ECE1: variants seen among roughly 807,000 people sequenced by gnomAD.
ECE1 encodes endothelin converting enzyme 1, also known as endothelin-converting enzyme 1.
ECE1 carries 35 observed loss-of-function variants against 98.6 expected under a neutral mutation model. The ratio of observed to expected loss-of-function variants is 0.35; its 90% CI spans 0.27 to 0.47. The LOEUF is 0.47. Ranked by LOEUF, ECE1 falls within the 20% of genes least tolerant of loss-of-function variation. The probability of loss-of-function intolerance (pLI) is 1.00; values close to 1 mark genes in which losing one functional copy is unlikely to be tolerated. For synonymous variants in ECE1, 394 were observed against 407.1 expected, an observed-to-expected ratio of 0.97 and a Z score of 0.39; for missense variants, 814 against 1,025.3, an observed-to-expected ratio of 0.79 and a Z score of 2.81.
intron 2 of ECE1, among the ~76,000 whole-genome samples, chr1:21,284,404 G>A (rs894136496): frequency 6.6e-6 from 1 of 152,200 alleles, no homozygotes; most frequent in African/African-American, 2.4e-5. Context: ...TGCTCAGCTC[G>A]CTGGTGGGCT....
At chr1:21,330,494 G>A (rs530484600) in intron 1 of ECE1, among the ~76,000 whole-genome samples, 3 of 152,150 alleles carry the variant, frequency 2.0e-5, no homozygotes, top group South Asian at 2.1e-4. Context: ...GCCTCCCAAA[G>A]TTCTGGGATT....
At chr1:21,321,361 T>C (rs944686298) in intron 1 of ECE1, among the ~76,000 whole-genome samples, 1 of 152,172 alleles carries the variant, frequency 6.6e-6, no homozygotes, top group African/African-American at 2.4e-5. Flanking sequence ...GAAATCTCTG[T>C]GTGAATAACA....
chr1:21,242,460 C>T (rs1451983109), intron 10 of ECE1, among the ~76,000 whole-genome samples: 1 of 152,190 alleles, frequency 6.6e-6, no homozygotes, highest in Non-Finnish European at 1.5e-5. Flanking sequence ...GGTGTAAGGA[C>T]TACCCAAGGT....
intron 2 of ECE1, 33 bp from the exon 3 acceptor site, chr1:21,279,365 A>ACGTGAGC (rs2098251664): frequency 3.7e-6 from 6 of 1,613,822 alleles, no homozygotes; most frequent in African/African-American, 2.7e-5. Flanking sequence ...GGCGGGGAAG[A>ACGTGAGC]CGTGAGCCCC....
chr1:21,344,446 A>T (rs1031124815), intron 1 of ECE1, among the ~76,000 whole-genome samples: 1 of 152,200 alleles, frequency 6.6e-6, no homozygotes, highest in African/African-American at 2.4e-5. Flanking sequence ...TGGCTCGTCT[A>T]TAGGGAAAGA....
In ECE1 at chr1:21,260,272, C is replaced by A; in HGVS notation, c.614G>T (p.Arg205Met). Residue 205 changes from arginine to methionine, a missense_variant and splice_region_variant, in exon 5 of 19, where the codon AGG (arginine) becomes ATG (methionine). This residue lies in a region of ECE1 where 257 missense variants were observed against 278.9 expected (regional missense o/e 0.92). Transcript: ENST00000374893. The surrounding 1 kb of genome is among the most constrained non-coding windows in gnomAD (Gnocchi z 4.3). ...RAKPLMELIERLGGWNITGPW... is the reference protein window; with the variant it reads ...RAKPLMELIEMLGGWNITGPW... ...GGAGGGAGAGCCCGAGGCACTCACC[C>A]TCTCAATCAACTCCATTAGAGGTTT... The A allele has an allele frequency of 6.2e-6, 10 of 1,614,258 alleles. No homozygotes were observed. Among genetic ancestry groups the A allele is most frequent in the Non-Finnish European group, 8.5e-6 (10 of 1,180,048 alleles).
At chr1:21,314,756 T>G (rs1004638207) in intron 1 of ECE1, among the ~76,000 whole-genome samples, 16 of 152,406 alleles carry the variant, frequency 1.0e-4, no homozygotes, top group Non-Finnish European at 1.9e-4. Context: ...ACCTGGCCTG[T>G]GCCATTTCCA....
In ECE1 at chr1:21,290,139, C is replaced by A; in HGVS notation, c.69G>T (p.Arg23=). Residue 23 remains arginine, a synonymous_variant, in exon 2 of 19, where the codon CGG becomes CGT. Coordinates refer to ENST00000374893, the MANE Select transcript of ECE1 (RefSeq NM_001397.3). The surrounding 1 kb of genome is among the most constrained non-coding windows in gnomAD (Gnocchi z 7.3). The part of the protein sequence containing the change: ...LSALGMSTYK[R]ATLDEEDLVD... Reference sequence around the variant, plus strand: ...CCAGGTCCTCCTCGTCCAGCGTGGCCCGCTTGTACGTCGACATCTGCAAGG... The same window carrying A: ...CCAGGTCCTCCTCGTCCAGCGTGGCACGCTTGTACGTCGACATCTGCAAGG... 6.4e-7 allele frequency: 1 copy of A among 1,565,220 alleles called. No homozygotes were observed.
intron 10 of ECE1, chr1:21,238,481 C>T: frequency 1.7e-6 from 1 of 581,532 alleles, no homozygotes; most frequent in Non-Finnish European, 3.1e-6. Flanking sequence ...AAATAGTGTC[C>T]CGTTGAGCCA....
intron 1 of ECE1, among the ~76,000 whole-genome samples, chr1:21,339,150 G>A (rs935186336): frequency 3.3e-5 from 5 of 152,192 alleles, no homozygotes; most frequent in African/African-American, 1.2e-4. Flanking sequence ...GGACTGGGCT[G>A]GGAGTCACAA....
At chr1:21,246,175 T>A (rs1404878477) in intron 9 of ECE1, among the ~76,000 whole-genome samples, 1 of 152,138 alleles carries the variant, frequency 6.6e-6, no homozygotes, top group African/African-American at 2.4e-5. Flanking sequence ...TTTTCCCTAT[T>A]TTTTTGGTAG....
chr1:21,276,865 C>T (rs773450458), intron 3 of ECE1, among the ~76,000 whole-genome samples: 9 of 151,950 alleles, frequency 5.9e-5, no homozygotes, highest in Non-Finnish European at 1.2e-4. Flanking sequence ...TACAGTTGTG[C>T]GCCACCATCC....
chr1:21,280,813 G>A (rs562669308), intron 2 of ECE1, among the ~76,000 whole-genome samples: 2 of 152,216 alleles, frequency 1.3e-5, no homozygotes, highest in African/African-American at 2.4e-5. Context: ...TATTTACTGG[G>A]CAGGAAATGA....
At chr1:21,304,248 G>A (rs1328873822) in intron 1 of ECE1, among the ~76,000 whole-genome samples, 3 of 149,332 alleles carry the variant, frequency 2.0e-5, no homozygotes, top group Admixed American at 2.0e-4. Flanking sequence ...CCCGGGAGGC[G>A]GAGCTTGCAG....
chr1:21,273,943 G>A (rs1294962112), intron 3 of ECE1, among the ~76,000 whole-genome samples: 3 of 152,232 alleles, frequency 2.0e-5, no homozygotes, highest in Non-Finnish European at 1.5e-5. Flanking sequence ...GGTGGCCTAC[G>A]CAGAGGCCTG....
At chr1:21,318,051 C>T (rs1417079336) in intron 1 of ECE1, among the ~76,000 whole-genome samples, 1 of 152,242 alleles carries the variant, frequency 6.6e-6, no homozygotes, top group African/African-American at 2.4e-5. Flanking sequence ...ACGGCATGGA[C>T]GAGGTCCCCT....
At chr1:21,250,958 G>A (rs1016962852) in intron 8 of ECE1, among the ~76,000 whole-genome samples, 1 of 147,844 alleles carries the variant, frequency 6.8e-6, no homozygotes, top group Admixed American at 6.8e-5. Flanking sequence ...AGTGAGCGGG[G>A]ATCGCGCCAC....
chr1:21,344,173 TG>T (rs907020469), intron 1 of ECE1, among the ~76,000 whole-genome samples: 8 of 143,834 alleles, frequency 5.6e-5, no homozygotes, highest in African/African-American at 1.5e-4. Context: ...AAGGGAGAGA[TG>T]GGGGGGCGGG....
intron 1 of ECE1, among the ~76,000 whole-genome samples, chr1:21,321,408 G>T (rs1162646747): frequency 6.6e-6 from 1 of 152,180 alleles, no homozygotes; most frequent in Non-Finnish European, 1.5e-5. Context: ...CAGCCCTGGG[G>T]CCCCCAGCAG....
Sources: gnomAD v4.1 joint callset for allele counts (sites outside exome capture counted in the v4.1 genomes callset) on GRCh38, gnomAD v4.1.1 for gene constraint, gnomAD v4.1.1 regional missense constraint, Gnocchi (gnomAD v3.1) non-coding constraint, MANE v1.5 for transcripts, NCBI Gene and HGNC (gene_info 2026-07-23, HGNC 2026-07-21) for gene names.